The following ADGB variants were observed in gnomAD, a reference collection of about 807,000 sequenced individuals.
The protein encoded by ADGB is calpain-7-like protein.
ADGB carries 172 observed loss-of-function variants against 210.5 expected under a neutral mutation model. The observed-to-expected ratio is 0.82, with a 90% confidence interval of 0.72 to 0.93. The LOEUF (loss-of-function observed/expected upper bound fraction) is 0.93. Among genes scored for constraint, ADGB ranks in the 40% least tolerant of loss-of-function variants. The pLI is 0.00. For synonymous variants in ADGB, 658 were observed against 662.7 expected (o/e 0.99, Z 0.11); for missense variants, 2,025 against 1,964.8 (o/e 1.03, Z -0.58).
At chr6:146,807,567 A>C (rs1778231571) in intron 35 of ADGB, 11 of 1,536,860 alleles carry the variant, frequency 7.2e-6, no homozygotes, top group Non-Finnish European at 8.7e-6. Context: ...ACAGAAAAAA[A>C]AGAAAGGAAA....
intron 1 of ADGB, among the ~76,000 whole-genome samples, chr6:146,612,157 C>T (rs1780722030): frequency 6.6e-6 from 1 of 152,168 alleles, no homozygotes; most frequent in African/African-American, 2.4e-5. Flanking sequence ...TCCCATCTGC[C>T]TCCTGCTTTG....
chr6:146,715,529 C>G, intron 14 of ADGB, 114 bp downstream of exon 14: 3 of 630,330 alleles, frequency 4.8e-6, no homozygotes. Context: ...TCAGTGTCTC[C>G]TTTGATTTGC....
intron 33 of ADGB, among the ~76,000 whole-genome samples, chr6:146,796,151 G>A: frequency 6.6e-6 from 1 of 152,058 alleles, no homozygotes; most frequent in Non-Finnish European, 1.5e-5. Flanking sequence ...AGGTGAAAGA[G>A]CTCTAAAAGG....
intron 12 of ADGB, among the ~76,000 whole-genome samples, chr6:146,699,754 G>A (rs1168653415): frequency 1.3e-5 from 2 of 152,000 alleles, no homozygotes. Context: ...GAGATTTGTG[G>A]GTTGTAAGAA....
chr6:146,670,059 A>G, intron 7 of ADGB, among the ~76,000 whole-genome samples: 1 of 152,030 alleles, frequency 6.6e-6, no homozygotes, highest in Non-Finnish European at 1.5e-5. Context: ...TACATTCTCT[A>G]CTTACTCTGA....
At chr6:146,777,580 G>A (rs1777738584) in intron 29 of ADGB, among the ~76,000 whole-genome samples, 1 of 152,156 alleles carries the variant, frequency 6.6e-6, no homozygotes, top group Non-Finnish European at 1.5e-5. Context: ...CACAGACCTA[G>A]CAAATCAGAA....
chr6:146,664,405 G>C, intron 6 of ADGB, 65 bp downstream of exon 6: 1 of 1,407,386 alleles, frequency 7.1e-7, no homozygotes, highest in Non-Finnish European at 9.4e-7. Flanking sequence ...CTATACATTT[G>C]TATTGCATAA....
At chr6:146,701,649 C>G (rs879883165) in intron 13 of ADGB, among the ~76,000 whole-genome samples, 13 of 151,830 alleles carry the variant, frequency 8.6e-5, no homozygotes, top group Non-Finnish European at 1.9e-4. Flanking sequence ...CTATGGCTCC[C>G]CTTAACAATT....
At chr6:146,741,022 T>C (rs908365816) in intron 24 of ADGB, 96 bp from the exon 25 acceptor site, 1 of 963,228 alleles carries the variant, frequency 1.0e-6, no homozygotes, top group Non-Finnish European at 1.4e-6. Flanking sequence ...TATTTGGAAC[T>C]TTGGATTTTT....
At chr6:146,764,338 A>T (rs2114625842) in intron 28 of ADGB, among the ~76,000 whole-genome samples, 1 of 152,312 alleles carries the variant, frequency 6.6e-6, no homozygotes, top group East Asian at 1.9e-4. Flanking sequence ...TATGTACATG[A>T]ACTCTATAAT....
chr6:146,713,050 T>C (rs571648189), intron 13 of ADGB, among the ~76,000 whole-genome samples: 1 of 152,356 alleles, frequency 6.6e-6, no homozygotes, highest in East Asian at 1.9e-4. Context: ...ATAATGTTAA[T>C]GTTCTCAGGT....
At chr6:146,736,648 G>T (rs1450387143) in intron 23 of ADGB, 57 bp downstream of exon 23, 27 of 1,184,766 alleles carry the variant, frequency 2.3e-5, no homozygotes, top group Non-Finnish European at 3.2e-5. Context: ...TCAAAGTCCA[G>T]TTTGAATACT....
intron 1 of ADGB, among the ~76,000 whole-genome samples, chr6:146,618,440 C>T (rs1255028919): frequency 1.3e-5 from 2 of 151,770 alleles, no homozygotes; most frequent in East Asian, 3.9e-4. Context: ...CTTTCTAGTT[C>T]CTTGAAGTGC....
chr6:146,758,945 CAG>C (rs962639951), intron 27 of ADGB, among the ~76,000 whole-genome samples: 1 of 151,908 alleles, frequency 6.6e-6, no homozygotes, highest in Non-Finnish European at 1.5e-5. Flanking sequence ...AGACTTCAAA[CAG>C]GGTGTTGTTT....
intron 23 of ADGB, among the ~76,000 whole-genome samples, chr6:146,736,914 A>G (rs1044743376): frequency 3.9e-5 from 6 of 152,220 alleles, no homozygotes; most frequent in Non-Finnish European, 1.5e-5. Context: ...ACAAATAGTC[A>G]GATGAAATCC....
chr6:146,702,329 T>C (rs996342699), intron 13 of ADGB, among the ~76,000 whole-genome samples: 3 of 151,952 alleles, frequency 2.0e-5, no homozygotes, highest in African/African-American at 4.8e-5. Flanking sequence ...ATGTGGTGGG[T>C]ATAAAATGGT....
intron 8 of ADGB, among the ~76,000 whole-genome samples, chr6:146,675,108 T>C (rs1776068248): frequency 6.6e-6 from 1 of 151,988 alleles, no homozygotes; most frequent in Admixed American, 6.5e-5. Flanking sequence ...ATGATTGAAG[T>C]TATAGTTATC....
chr6:146,668,913 G>T (rs1488426549), intron 7 of ADGB, among the ~76,000 whole-genome samples: 1 of 152,090 alleles, frequency 6.6e-6, no homozygotes, highest in East Asian at 1.9e-4. Flanking sequence ...ACGTGTCTCT[G>T]ATGCATGGTC....
In ADGB at chr6:146,654,226, C is replaced by T. The variant is rs1225352580; in HGVS notation, c.402+20C>T. ...AGCGAGGTATGTACAGAAATATGAA[C>T]TAAAGTCTCACCATGAAATGACTTC... On this transcript the variant is annotated intron_variant, in intron 4 of 35. Coordinates refer to ENST00000397944, the MANE Select transcript of ADGB (RefSeq NM_024694.4). The T allele has an allele frequency of 2.0e-6, 3 of 1,507,542 alleles. No homozygotes were observed. The highest frequency in any genetic ancestry group is 2.7e-6 in the Non-Finnish European group (3 of 1,111,284). The allele number at this position is 1,507,542 out of a possible 1,614,324, so 93.4% of individuals were successfully genotyped here. A position where few individuals can be genotyped will look rare whatever the true frequency, so the allele number is the denominator to read the frequency against.
Sources: gnomAD v4.1 joint callset for allele counts (sites outside exome capture counted in the v4.1 genomes callset) on GRCh38, gnomAD v4.1.1 for gene constraint, MANE v1.5 for transcripts, NCBI Gene and HGNC (gene_info 2026-07-23, HGNC 2026-07-21) for gene names.